The following SHQ1 variants were observed in gnomAD, a reference collection of about 807,000 sequenced individuals.
SHQ1 encodes the protein SHQ1, H/ACA ribonucleoprotein assembly factor, also known as protein SHQ1 homolog.
A neutral mutation model predicts 53.8 loss-of-function variants in SHQ1; 49 were observed. That is an observed-to-expected ratio of 0.91 (90% CI 0.72 to 1.16). The LOEUF is 1.16. Among genes scored for constraint, SHQ1 ranks in the 50% most tolerant of loss-of-function variants. The probability of loss-of-function intolerance (pLI) is 0.00; values close to 1 mark genes in which losing one functional copy is unlikely to be tolerated. For missense variants in SHQ1, 738 were observed against 683.1 expected, an observed-to-expected ratio of 1.08 and a Z score of -0.90; for synonymous variants, 243 against 251.0, an observed-to-expected ratio of 0.97 and a Z score of 0.30.
chr3:72,833,876 C>T (rs1251626518), intron 4 of SHQ1, among the ~76,000 whole-genome samples: 2 of 152,190 alleles, frequency 1.3e-5, no homozygotes, highest in Non-Finnish European at 2.9e-5. Context: ...CTACCAACCA[C>T]AAGTGAGAAG....
chr3:72,727,493 G>A, the SHQ1 span, among the ~76,000 whole-genome samples: 1 of 152,210 alleles, frequency 6.6e-6, no homozygotes, highest in Non-Finnish European at 1.5e-5. Flanking sequence ...GGCAGAAAGT[G>A]AAGAGAAGCC....
chr3:72,730,052 T>C, the SHQ1 span, among the ~76,000 whole-genome samples: 6 of 152,040 alleles, frequency 3.9e-5, no homozygotes, highest in Non-Finnish European at 7.4e-5. Flanking sequence ...TCTCCTGACC[T>C]CGTGATCCGC....
intron 10 of SHQ1, among the ~76,000 whole-genome samples, chr3:72,791,328 T>C (rs1706427955): frequency 6.6e-6 from 1 of 152,216 alleles, no homozygotes; most frequent in Non-Finnish European, 1.5e-5. Flanking sequence ...GACATGCCAT[T>C]ATGACCTCAG....
At chr3:72,737,952 A>G in the SHQ1 span, among the ~76,000 whole-genome samples, 1 of 152,186 alleles carries the variant, frequency 6.6e-6, no homozygotes, top group East Asian at 1.9e-4. Context: ...ATGTGACACA[A>G]TGCTGATCTG....
In SHQ1 at chr3:72,751,496, G is replaced by GTACA. The variant is rs1372925082; in HGVS notation, c.1182-661_1182-660insTGTA. 2.8e-3 allele frequency among the ~76,000 whole-genome samples: 328 copies of GTACA among 116,950 alleles called. 14 individuals carry two copies. Among genetic ancestry groups the GTACA allele is most frequent in the Non-Finnish European group, 3.3e-3 (193 of 59,146 alleles). 76.7% of individuals were successfully genotyped at this position (116,950 alleles called of 152,430 possible). On this transcript the variant is annotated intron_variant, in intron 10 of 10. Transcript: ENST00000325599. The stretch of plus-strand genomic sequence containing the variant: ...CACATATGTGTGTGTGTGTGTGTGT[G>GTACA]TGTGTGTGTGTGTATATATATATAT...
At chr3:72,751,182 G>A (rs1447661998) in intron 10 of SHQ1, among the ~76,000 whole-genome samples, 2 of 152,052 alleles carry the variant, frequency 1.3e-5, no homozygotes, top group African/African-American at 2.4e-5. Context: ...AGGCTGAGGC[G>A]GGTGGATCAC....
chr3:72,742,916 G>A, the SHQ1 span, among the ~76,000 whole-genome samples: 2 of 152,154 alleles, frequency 1.3e-5, no homozygotes, highest in South Asian at 2.1e-4. Context: ...GATTACAGGC[G>A]TGAGCCACTG....
intron 1 of SHQ1, among the ~76,000 whole-genome samples, chr3:72,847,371 G>C (rs2106989738): frequency 6.6e-6 from 1 of 152,274 alleles, no homozygotes; most frequent in African/African-American, 2.4e-5. Flanking sequence ...AAGGACAAGA[G>C]ATTGGCAATA....
Position 72,750,351 on chromosome 3 carries a change from T to C in SHQ1, c.1667A>G (p.Lys556Arg). The part of the protein sequence containing the change: ...LKTTVQVSEP[K>R]GTTAVNRSNI... ...GCTGCGGTTTACAGCAGTGGTGCCC[T>C]TGGGTTCAGAAACCTGAACTGTAGT... Residue 556 changes from lysine to arginine, a missense_variant, in exon 11 of 11, where the codon AAG becomes AGG. Lys to Arg is a conservative substitution (Grantham distance 26). Coordinates refer to ENST00000325599, the MANE Select transcript of SHQ1 (RefSeq NM_018130.3). 1.2e-6 allele frequency: 2 copies of C among 1,614,158 alleles called. No homozygotes were observed. Among genetic ancestry groups the C allele is most frequent in the South Asian group, 1.1e-5 (1 of 91,082 alleles).
At chr3:72,730,108 G>A in the SHQ1 span, among the ~76,000 whole-genome samples, 6 of 151,700 alleles carry the variant, frequency 4.0e-5, no homozygotes, top group African/African-American at 1.5e-4. Context: ...GTGAGCCACC[G>A]TGCCCGGCCC....
At position 72,812,659 on chromosome 3, in the gene SHQ1, G is replaced by A. The variant is rs75934801; in HGVS notation, c.1060+12C>T. 1,584 of 1,612,792 alleles carry A rather than the reference G, an allele frequency of 9.8e-4. 18 individuals carry two copies. The African/African-American group carries it at 0.019, about 20-fold the overall frequency. On this transcript the variant is annotated intron_variant, in intron 9 of 10. Coordinates refer to ENST00000325599, the MANE Select transcript of SHQ1 (RefSeq NM_018130.3). ...TTTCCCTCCCAAATTTGCAAGTACA[G>A]TAATATCTTACCCAGTTGCAATATC...
chr3:72,788,385 G>A (rs1447903987), intron 10 of SHQ1, among the ~76,000 whole-genome samples: 1 of 151,528 alleles, frequency 6.6e-6, no homozygotes, highest in African/African-American at 2.4e-5. Context: ...GGGAGGTGAG[G>A]AGCATCTCTG....
At chr3:72,742,719 C>T in the SHQ1 span, among the ~76,000 whole-genome samples, 9 of 149,436 alleles carry the variant, frequency 6.0e-5, no homozygotes, top group African/African-American at 2.0e-4. Flanking sequence ...CAACTTCAAG[C>T]GTTCAAGCGA....
chr3:72,788,492 G>A (rs1045829065), intron 10 of SHQ1, among the ~76,000 whole-genome samples: 12 of 151,136 alleles, frequency 7.9e-5, no homozygotes, highest in East Asian at 3.9e-4. Context: ...CGCCGCGTCC[G>A]GGAGGTAGGG....
chr3:72,807,053 C>A (rs1199657848), intron 9 of SHQ1, among the ~76,000 whole-genome samples: 1 of 152,078 alleles, frequency 6.6e-6, no homozygotes, highest in Non-Finnish European at 1.5e-5. Context: ...GGCATACATT[C>A]AAAATATGTG....
chr3:72,796,294 T>C (rs1433248287), intron 9 of SHQ1, among the ~76,000 whole-genome samples: 1 of 151,740 alleles, frequency 6.6e-6, no homozygotes, highest in African/African-American at 2.4e-5. Flanking sequence ...TCTCTAAACT[T>C]AGGTGTGGGC....
chr3:72,780,779 C>G (rs1396108131), intron 10 of SHQ1, among the ~76,000 whole-genome samples: 2 of 152,272 alleles, frequency 1.3e-5, no homozygotes, highest in Non-Finnish European at 2.9e-5. Flanking sequence ...AATTACAAAT[C>G]TGGGATGTAA....
chr3:72,737,185 T>C, the SHQ1 span, among the ~76,000 whole-genome samples: 35,321 of 150,646 alleles, frequency 0.23, 4,307 homozygotes, highest in Non-Finnish European at 0.26. Context: ...GACTGAGGCA[T>C]GAGAATTGCT....
intron 9 of SHQ1, 184 bp from the exon 10 acceptor site, chr3:72,793,220 A>G (rs1351397797): frequency 1.0e-5 from 5 of 485,178 alleles, no homozygotes; most frequent in South Asian, 2.7e-5. Context: ...ATTACATACA[A>G]TCTTTGGCCA....
Sources: allele counts gnomAD v4.1 joint callset (sites outside exome capture counted in the v4.1 genomes callset), GRCh38; gene constraint gnomAD v4.1.1; transcripts MANE v1.5; gene names NCBI Gene and HGNC (gene_info 2026-07-23, HGNC 2026-07-21).